Variants in GSDMC observed in about 807,000 individuals in gnomAD.
The protein encoded by GSDMC is gasdermin-C.
Under a neutral mutation model 58.0 loss-of-function variants are expected in GSDMC, and 59 were observed. The observed-to-expected ratio is 1.02, with a 90% confidence interval of 0.82 to 1.26. The LOEUF (loss-of-function observed/expected upper bound fraction) is 1.26, where lower values mean the gene tolerates loss of function less well. Among genes scored for constraint, GSDMC ranks in the 50% most tolerant of loss-of-function variants. The pLI is 0.00. For missense variants in GSDMC, 659 were observed against 598.5 expected (o/e 1.10, Z -1.06); for synonymous variants, 241 against 220.2 (o/e 1.09, Z -0.83).
At chr8:129,747,884 G>C (rs965969411), downstream of GSDMC, among the ~76,000 whole-genome samples, 7 of 152,068 alleles carry the variant, frequency 4.6e-5, no homozygotes, top group Admixed American at 3.3e-4. Context: ...AGAGAGCACA[G>C]AATGAGACAG....
Position 129,749,463 on chromosome 8 carries a change from G to T in GSDMC, c.1276C>A (p.Gln426Lys), listed in dbSNP as rs550680319. 6.2e-7 allele frequency: 1 copy of T among 1,612,664 alleles called. No individual in the cohort carries two copies. The highest frequency in any genetic ancestry group is 1.7e-5 in the Admixed American group (1 of 59,992). ...TGGGAAGTTCTCACCAGCTCCTGTTGCTGAAGCAGGATCCTCTTCTCCATG... is the reference window on the plus strand; with the variant it reads ...TGGGAAGTTCTCACCAGCTCCTGTTTCTGAAGCAGGATCCTCTTCTCCATG... ...CSMEKRILLQ[Q>K]QELVRSILEP... The change falls in exon 13 of 14, where the codon CAA (glutamine) becomes AAA (lysine). Residue 426 changes from glutamine to lysine, a missense_variant. By Grantham distance (53) the Gln-to-Lys change is moderately conservative. Transcript: ENST00000276708.
chr8:129,741,028 G>T, the GSDMC span, among the ~76,000 whole-genome samples: 1 of 151,918 alleles, frequency 6.6e-6, no homozygotes, highest in South Asian at 2.1e-4. Flanking sequence ...TTTATGGTGT[G>T]AGTATAAAGG....
chr8:129,750,401 C>A lies in GSDMC; in HGVS notation c.1083+30G>T, dbSNP rs2033136876. On this transcript the variant is annotated intron_variant, in intron 11 of 13. Coordinates refer to ENST00000276708, the MANE Select transcript of GSDMC (RefSeq NM_031415.3). The stretch of plus-strand genomic sequence containing the variant: ...TAACCAATCCCATTTACAGCTTTTA[C>A]CAGACCTATGCAACTGTGGAGCCCC... 6 of 1,602,958 alleles carry A rather than the reference C, an allele frequency of 3.7e-6. No individual in the cohort carries two copies. The Admixed American group carries it at 1.0e-4, about 28-fold the overall frequency.
At chr8:129,724,133 A>G in the GSDMC span, among the ~76,000 whole-genome samples, 1 of 152,158 alleles carries the variant, frequency 6.6e-6, no homozygotes, top group Non-Finnish European at 1.5e-5. Context: ...GAGAGACCAC[A>G]TGGTTAGGAA....
chr8:129,777,304 G>C (rs1247572750), intron 2 of GSDMC, 64 bp downstream of exon 2: 2 of 969,130 alleles, frequency 2.1e-6, no homozygotes, highest in Admixed American at 1.9e-5. Flanking sequence ...TGGATGGTGG[G>C]CCATCTTTTT....
chr8:129,775,605 C>T (rs75065376), intron 3 of GSDMC, among the ~76,000 whole-genome samples: 4 of 152,146 alleles, frequency 2.6e-5, no homozygotes, highest in Non-Finnish European at 5.9e-5. Context: ...CAAATCATCA[C>T]ATTGTACACC....
intron 2 of GSDMC, 45 bp downstream of exon 2, chr8:129,777,323 A>G (rs367811296): frequency 6.0e-5 from 71 of 1,176,112 alleles, no homozygotes; most frequent in African/African-American, 7.6e-5. Context: ...TTCTGACCAC[A>G]CATGTTTTTC....
In GSDMC at chr8:129,776,176, A is replaced by C. The variant is rs1425713779; in HGVS notation, c.330T>G (p.Ser110=). The C allele has an allele frequency of 6.2e-7, 1 of 1,613,900 alleles. No individual in the cohort carries two copies. The part of the protein sequence containing the change: ...GIEVSVSGEA[S]VDHGCSLEFQ... ...ACTCGAGGGAGCATCCATGGTCCAC[A>C]GAGGCCTCCCCTGACACACTCACTT... The change falls in exon 3 of 14, where the codon TCT becomes TCG. Residue 110 remains serine, a synonymous_variant. Coordinates refer to ENST00000276708, the MANE Select transcript of GSDMC (RefSeq NM_031415.3).
the GSDMC span, among the ~76,000 whole-genome samples, chr8:129,712,731 GA>G: frequency 6.6e-6 from 1 of 152,244 alleles, no homozygotes; most frequent in Non-Finnish European, 1.5e-5. Flanking sequence ...CCAGTTACCA[GA>G]TAACTGGACA....
At chr8:129,760,428 T>C (rs1406272291) in intron 6 of GSDMC, 117 bp downstream of exon 6, 2 of 561,336 alleles carry the variant, frequency 3.6e-6, no homozygotes, top group Non-Finnish European at 6.3e-6. Flanking sequence ...TTTTCCATTA[T>C]GTGATTATTA....
the GSDMC span, among the ~76,000 whole-genome samples, chr8:129,735,275 G>C: frequency 6.6e-6 from 1 of 152,122 alleles, no homozygotes; most frequent in Non-Finnish European, 1.5e-5. Flanking sequence ...AGGATATCCA[G>C]GACTTGAACT....
chr8:129,745,443 C>G (rs1370485826), downstream of GSDMC, among the ~76,000 whole-genome samples: 2 of 152,160 alleles, frequency 1.3e-5, no homozygotes, highest in Non-Finnish European at 2.9e-5. Context: ...TCTTATCCAG[C>G]CTCATGACTT....
intron 4 of GSDMC, among the ~76,000 whole-genome samples, chr8:129,763,440 G>A (rs776941079): frequency 1.2e-4 from 18 of 152,092 alleles, no homozygotes; most frequent in Non-Finnish European, 2.2e-4. Flanking sequence ...CTTTCATTCT[G>A]GAAACACATT....
At chr8:129,718,577 G>A in the GSDMC span, among the ~76,000 whole-genome samples, 62 of 152,324 alleles carry the variant, frequency 4.1e-4, no homozygotes, top group African/African-American at 1.4e-3. Context: ...CTTTTACACT[G>A]TTGGTGGGAG....
chr8:129,775,237 A>G (rs61417675), intron 3 of GSDMC, among the ~76,000 whole-genome samples: 4,882 of 152,320 alleles, frequency 0.032, 264 homozygotes, highest in African/African-American at 0.11. Context: ...TCAGCCATAA[A>G]AAAGGAAGAA....
the GSDMC span, chr8:129,705,713 G>C: frequency 1.3e-5 from 2 of 152,210 alleles, no homozygotes; most frequent in East Asian, 3.8e-4. Context: ...GATGAGATTT[G>C]GGTGGGGACA....
the GSDMC span, among the ~76,000 whole-genome samples, chr8:129,707,390 T>C: frequency 2.0e-5 from 3 of 152,210 alleles, no homozygotes; most frequent in Non-Finnish European, 4.4e-5. Context: ...GATTTTTTTC[T>C]TCCTTTCATG....
the GSDMC span, among the ~76,000 whole-genome samples, chr8:129,720,489 A>G: frequency 2.6e-3 from 401 of 152,300 alleles, 1 homozygote; most frequent in African/African-American, 9.2e-3. Context: ...CCACATAAAT[A>G]TATTGTGTAT....
chr8:129,784,013 T>G (rs145150103), intron 1 of GSDMC, among the ~76,000 whole-genome samples: 2,175 of 152,302 alleles, frequency 0.014, 61 homozygotes, highest in African/African-American at 0.049. Flanking sequence ...CTTCAATAAA[T>G]GGTGCTGGGA....
Sources: allele counts gnomAD v4.1 joint callset (sites outside exome capture counted in the v4.1 genomes callset), GRCh38; gene constraint gnomAD v4.1.1; transcripts MANE v1.5; gene names NCBI Gene and HGNC (gene_info 2026-07-23, HGNC 2026-07-21).